The following EPYC variants were observed in gnomAD, a reference collection of about 807,000 sequenced individuals.
EPYC encodes dermatan sulfate proteoglycan 3.
In EPYC, 28 loss-of-function variants were observed where a neutral mutation model predicts 30.1. That is an observed-to-expected ratio of 0.93 (90% confidence interval 0.69 to 1.28). The LOEUF is 1.28. EPYC is among the 50% of genes most tolerant of loss of function. The pLI is 0.00. For synonymous variants in EPYC, 144 were observed against 141.4 expected, an observed-to-expected ratio of 1.02 and a Z score of -0.13; for missense variants, 382 against 383.5, an observed-to-expected ratio of 1.00 and a Z score of 0.03.
rs756672509 is a variant in EPYC, at chr12:91,002,396, A to T, written c.165+5T>A. The T allele has an allele frequency of 3.1e-6, 5 of 1,609,832 alleles. No homozygotes were observed. Among genetic ancestry groups the T allele is most frequent in the Non-Finnish European group, 4.2e-6 (5 of 1,178,402 alleles). On this transcript the variant is annotated splice_donor_5th_base_variant and intron_variant, in intron 2 of 6. Transcript: ENST00000261172. ...TAAAGTTTCAAGAGTAGGAGGATCG[A>T]TTACCTCAACTTTATCAACAGGTAT...
chr12:91,004,669 CTT>C (rs1341110978), intron 1 of EPYC, among the ~76,000 whole-genome samples: 1 of 151,954 alleles, frequency 6.6e-6, no homozygotes, highest in African/African-American at 2.4e-5. Context: ...TGTCAGGAAA[CTT>C]TACTTAAGGC....
chr12:90,999,956 T>C (rs1186944641), intron 2 of EPYC, among the ~76,000 whole-genome samples: 1 of 152,100 alleles, frequency 6.6e-6, no homozygotes, highest in Non-Finnish European at 1.5e-5. Context: ...ATGAGTGAGT[T>C]GGTTGATTTC....
chr12:90,985,469 C>A (rs1340282111), intron 2 of EPYC, among the ~76,000 whole-genome samples: 1 of 152,038 alleles, frequency 6.6e-6, no homozygotes, highest in East Asian at 1.9e-4. Flanking sequence ...AACCTGGCAA[C>A]CTTGGTGTTC....
chr12:90,989,373 CA>C (rs1877528763), intron 2 of EPYC, among the ~76,000 whole-genome samples: 1 of 151,764 alleles, frequency 6.6e-6, no homozygotes, highest in Admixed American at 6.6e-5. Flanking sequence ...TAACTGAAGT[CA>C]AAATTAACAA....
At chr12:90,964,394 C>G in intron 6 of EPYC, 68 bp from the exon 7 acceptor site, 14 of 1,053,458 alleles carry the variant, frequency 1.3e-5, no homozygotes, top group South Asian at 1.8e-5. Context: ...TAGCGCAGTC[C>G]ACTGTGCTTC....
At chr12:91,002,821 AATTTT>A (rs1285029516) in intron 1 of EPYC, among the ~76,000 whole-genome samples, 1 of 151,382 alleles carries the variant, frequency 6.6e-6, no homozygotes, top group African/African-American at 2.4e-5. Flanking sequence ...ATTACAGTAA[AATTTT>A]ATTTTATTTT....
rs1877525123 is a variant in EPYC at position 90,989,253 on chromosome 12, A to G, written c.166-10991T>C. On this transcript the variant is annotated intron_variant, in intron 2 of 6. Coordinates refer to ENST00000261172, the MANE Select transcript of EPYC (RefSeq NM_004950.5). Reference sequence around the variant, plus strand: ...TTATCCTCTGATTTCTTTTTTATAAACAACTGTTCTTAGATCTTATTTGTT... The same window carrying G: ...TTATCCTCTGATTTCTTTTTTATAAGCAACTGTTCTTAGATCTTATTTGTT... 2.0e-5 allele frequency among the ~76,000 whole-genome samples: 3 copies of G among 152,052 alleles called. No homozygotes were observed. The South Asian group carries it at 6.2e-4, about 31-fold the overall frequency.
rs774071635 is a variant in EPYC at position 90,971,895 on chromosome 12, T to C, written c.607A>G (p.Ile203Val). 1.9e-6 allele frequency: 3 copies of C among 1,612,478 alleles called. No individual in the cohort carries two copies. Among genetic ancestry groups the C allele is most frequent in the South Asian group, 2.2e-5 (2 of 90,894 alleles). ...GTTGGCAATTCTGGGAGCTGCCTTATTTTGTTGTCACGCAGGACAAGCTCT... is the reference window on the plus strand; with the variant it reads ...GTTGGCAATTCTGGGAGCTGCCTTACTTTGTTGTCACGCAGGACAAGCTCT... ...LRELVLRDNKIRQLPELPTTL... is the reference protein window; with the variant it reads ...LRELVLRDNKVRQLPELPTTL... The change falls in exon 5 of 7, where the codon ATA becomes GTA. Residue 203 changes from isoleucine (I) to valine (V), a missense_variant. Physicochemically the swap from Ile to Val is conservative, Grantham distance 29. Transcript: ENST00000261172.
chr12:90,973,046 A>G, intron 3 of EPYC, 66 bp from the exon 4 acceptor site: 4 of 1,157,546 alleles, frequency 3.5e-6, no homozygotes, highest in Non-Finnish European at 4.9e-6. Flanking sequence ...ATAATGTGGA[A>G]TGTTTGATAC....
At chr12:90,975,713 G>A (rs2120817573) in intron 3 of EPYC, among the ~76,000 whole-genome samples, 1 of 152,138 alleles carries the variant, frequency 6.6e-6, no homozygotes, top group African/African-American at 2.4e-5. Context: ...AACTTTTGAA[G>A]GATCTGAAAT....
chr12:90,968,146 C>T (rs1876947146), intron 6 of EPYC, among the ~76,000 whole-genome samples: 1 of 152,086 alleles, frequency 6.6e-6, no homozygotes, highest in African/African-American at 2.4e-5. Flanking sequence ...TATTAACCCT[C>T]TTATCATTAT....
intron 2 of EPYC, among the ~76,000 whole-genome samples, chr12:90,985,726 G>T (rs936727860): frequency 1.3e-5 from 2 of 152,062 alleles, no homozygotes; most frequent in Admixed American, 6.6e-5. Flanking sequence ...ACTGGAAGGT[G>T]CACTGCCCTA....
intron 5 of EPYC, among the ~76,000 whole-genome samples, chr12:90,971,546 C>G (rs1220961003): frequency 1.3e-5 from 2 of 151,892 alleles, no homozygotes; most frequent in Non-Finnish European, 2.9e-5. Context: ...TGACACGCAT[C>G]TTGTAGTCCC....
intron 2 of EPYC, among the ~76,000 whole-genome samples, chr12:90,991,003 C>A (rs966283398): frequency 2.0e-5 from 3 of 151,972 alleles, no homozygotes; most frequent in African/African-American, 7.2e-5. Flanking sequence ...GATTTAATTT[C>A]TTTCAATTTT....
At chr12:91,002,307 A>G in intron 2 of EPYC, 94 bp downstream of exon 2, 1 of 1,075,090 alleles carries the variant, frequency 9.3e-7, no homozygotes, top group Non-Finnish European at 1.3e-6. Context: ...CTTTCTACTT[A>G]TAAAAAAACC....
rs182409840 is a variant in EPYC, at chr12:90,988,115, T to C, written c.166-9853A>G. The stretch of plus-strand genomic sequence containing the variant: ...ATTTATGAGGATACCATTGTTCCTA[T>C]TATAACAGGAAAAACAAGGCATATT... On this transcript the variant is annotated intron_variant, in intron 2 of 6. Transcript: ENST00000261172. Among the ~76,000 whole-genome samples the C allele has an allele frequency of 5.3e-5, 8 of 152,276 alleles. No homozygotes were observed. In the East Asian group the frequency reaches 1.4e-3, roughly 26 times the overall value.
chr12:90,965,109 A>G (rs1423709270), intron 6 of EPYC, among the ~76,000 whole-genome samples: 2 of 152,194 alleles, frequency 1.3e-5, no homozygotes, highest in Non-Finnish European at 2.9e-5. Flanking sequence ...AGAATTATAT[A>G]TAAATTTTTT....
intron 2 of EPYC, among the ~76,000 whole-genome samples, chr12:91,000,702 C>G (rs1877802716): frequency 6.6e-6 from 1 of 151,944 alleles, no homozygotes; most frequent in Non-Finnish European, 1.5e-5. Context: ...TCAAATCTCT[C>G]TGATCCTCTG....
chr12:90,971,782 A>C lies in EPYC; in HGVS notation c.702+18T>G, dbSNP rs1170162381. The C allele has an allele frequency of 6.6e-7, 1 of 1,505,172 alleles. No homozygotes were observed. The highest frequency in any genetic ancestry group is 1.4e-5 in the African/African-American group (1 of 71,840). The allele number at this position is 1,505,172 out of a possible 1,614,324, so 93.2% of individuals were successfully genotyped here. A position where few individuals can be genotyped will look rare whatever the true frequency, so the allele number is the denominator to read the frequency against. On this transcript the variant is annotated intron_variant, in intron 5 of 6. Coordinates refer to ENST00000261172, the MANE Select transcript of EPYC (RefSeq NM_004950.5). ...AAAATTGGAAGATAAAAGTCTGCAT[A>C]TCAAACTTAAAACTTACTTTAAATG...
Sources: allele counts gnomAD v4.1 joint callset (sites outside exome capture counted in the v4.1 genomes callset), GRCh38; gene constraint gnomAD v4.1.1; transcripts MANE v1.5; gene names NCBI Gene and HGNC (gene_info 2026-07-23, HGNC 2026-07-21).